The following SCARB2 variants were observed in gnomAD, a reference collection of about 807,000 sequenced individuals.
SCARB2 encodes scavenger receptor class B member 2.
Under a neutral mutation model 58.6 loss-of-function variants are expected in SCARB2, and 29 were observed. The ratio of observed to expected loss-of-function variants is 0.49; its 90% CI spans 0.37 to 0.67. The LOEUF (loss-of-function observed/expected upper bound fraction) is 0.67. Ranked by LOEUF, SCARB2 falls within the 30% of genes least tolerant of loss-of-function variation. The probability of loss-of-function intolerance (pLI) is 0.00; values close to 1 mark genes in which losing one functional copy is unlikely to be tolerated. For missense variants in SCARB2, 488 were observed against 578.5 expected (o/e 0.84, Z 1.60); for synonymous variants, 195 against 210.1 (o/e 0.93, Z 0.62).
intron 1 of SCARB2, among the ~76,000 whole-genome samples, chr4:76,212,407 T>C (rs1302432294): frequency 1.3e-5 from 2 of 152,200 alleles, no homozygotes; most frequent in African/African-American, 4.8e-5. Flanking sequence ...GGAAACTCAG[T>C]TAAAGGAAGA....
At chr4:76,212,098 G>A (rs1733059527) in intron 1 of SCARB2, among the ~76,000 whole-genome samples, 1 of 152,128 alleles carries the variant, frequency 6.6e-6, no homozygotes, top group East Asian at 1.9e-4. Context: ...GGCCATATAA[G>A]AAAACTCACA....
chr4:76,180,263 A>T (rs1274847664), intron 3 of SCARB2: 1 of 157,456 alleles, frequency 6.4e-6, no homozygotes, highest in Non-Finnish European at 1.4e-5. Context: ...CCGACACAGG[A>T]GGATCCCTGG....
chr4:76,174,653 C>G, intron 6 of SCARB2: 1 of 304,538 alleles, frequency 3.3e-6, no homozygotes, highest in Admixed American at 4.8e-5. Context: ...TGTGGACGGG[C>G]CACCGGCAAA....
chr4:76,205,221 G>C (rs1420099108), intron 1 of SCARB2, among the ~76,000 whole-genome samples: 1 of 152,136 alleles, frequency 6.6e-6, no homozygotes, highest in Non-Finnish European at 1.5e-5. Flanking sequence ...AGCAACTTTA[G>C]AGTTTAAGGC....
At chr4:76,196,777 G>A (rs1732721669) in intron 1 of SCARB2, among the ~76,000 whole-genome samples, 1 of 152,178 alleles carries the variant, frequency 6.6e-6, no homozygotes, top group Admixed American at 6.6e-5. Context: ...TGACAATGGA[G>A]ACTGCACTCT....
chr4:76,184,785 CAA>C (rs35947779), intron 2 of SCARB2: 1,913 of 320,126 alleles, frequency 6.0e-3, no homozygotes, highest in East Asian at 0.013. Flanking sequence ...TTGTCTCTAC[CAA>C]AAAAAAAAAA....
intron 7 of SCARB2, among the ~76,000 whole-genome samples, chr4:76,171,741 T>A (rs1439136151): frequency 6.8e-6 from 1 of 146,046 alleles, no homozygotes; most frequent in African/African-American, 2.6e-5. Context: ...TCAGGACTAT[T>A]ACCAGTAAGG....
intron 1 of SCARB2, chr4:76,213,106 A>C: frequency 2.7e-6 from 1 of 373,414 alleles, no homozygotes. Flanking sequence ...GTGGGAAGGA[A>C]ACAAGTTTGG....
intron 11 of SCARB2, chr4:76,162,830 C>T: frequency 2.9e-6 from 1 of 342,484 alleles, no homozygotes. Context: ...GAAACTGAAG[C>T]ACAGTTTCTA....
upstream of SCARB2, chr4:76,214,161 C>G (rs963732908): frequency 1.1e-4 from 48 of 450,508 alleles, 2 homozygotes; most frequent in South Asian, 5.8e-4. Context: ...GCTGGGGATT[C>G]AAGGTGGCTG....
At chr4:76,227,863 G>A (rs573224336) in intron 1 of SCARB2, among the ~76,000 whole-genome samples, 27 of 152,174 alleles carry the variant, frequency 1.8e-4, no homozygotes, top group Non-Finnish European at 3.1e-4. Context: ...CTTGCTTTTG[G>A]TGTTCATTTG....
intron 1 of SCARB2, among the ~76,000 whole-genome samples, chr4:76,204,679 C>T (rs1016316481): frequency 4.6e-5 from 7 of 151,778 alleles, no homozygotes; most frequent in African/African-American, 1.5e-4. Context: ...AGTGGGGAGG[C>T]GGGTGAGAAA....
chr4:76,161,567 G>T lies in SCARB2; in HGVS notation c.*146C>A. Reference sequence around the variant, plus strand: ...ATGTCAGCCTGCTCTTTAACCTCTGGCCAGAATGTTCCTATCACTTGCCAG... The same window carrying T: ...ATGTCAGCCTGCTCTTTAACCTCTGTCCAGAATGTTCCTATCACTTGCCAG... On this transcript the variant is annotated 3_prime_UTR_variant, in exon 12 of 12. Coordinates refer to ENST00000264896, the MANE Select transcript of SCARB2 (RefSeq NM_005506.4). 2.4e-6 allele frequency: 2 copies of T among 817,394 alleles called. No homozygotes were observed. The highest frequency in any genetic ancestry group is 2.1e-6 in the Non-Finnish European group (1 of 474,226). 50.6% of individuals were successfully genotyped at this position (817,394 alleles called of 1,614,324 possible).
At chr4:76,208,500 A>G (rs1020530363) in intron 1 of SCARB2, among the ~76,000 whole-genome samples, 3 of 152,190 alleles carry the variant, frequency 2.0e-5, no homozygotes, top group East Asian at 3.8e-4. Flanking sequence ...CATGTCTATG[A>G]GAGGTCAACA....
Position 76,229,192 on chromosome 4 carries a change from ATTG to A in SCARB2, c.-358+5108_-358+5110del, listed in dbSNP as rs747957488. Among the ~76,000 whole-genome samples the A allele has an allele frequency of 3.3e-5, 5 of 151,908 alleles. No homozygotes were observed. The East Asian group carries it at 7.8e-4, about 24-fold the overall frequency. On this transcript the variant is annotated intron_variant, in intron 1 of 11. Transcript: ENST00000638295. ...GTGTCTTTGATTTCCAGAAGTTGTG[ATTG>A]TTTTTTCTTTATGATGTCTGTTTCT...
intron 1 of SCARB2, 110 bp downstream of exon 1, chr4:76,213,317 G>T: frequency 1.3e-6 from 1 of 778,576 alleles, no homozygotes. Context: ...AAGAGCTCTA[G>T]CGCGGAGGGT....
At chr4:76,165,921 C>G (rs146916337) in intron 10 of SCARB2, 50 of 443,736 alleles carry the variant, frequency 1.1e-4, no homozygotes, top group African/African-American at 9.5e-4. Flanking sequence ...TGGCATCTAT[C>G]TGAGTGTGAG....
chr4:76,202,986 G>C (rs960882078), intron 1 of SCARB2, among the ~76,000 whole-genome samples: 1 of 152,090 alleles, frequency 6.6e-6, no homozygotes, highest in Non-Finnish European at 1.5e-5. Flanking sequence ...CCAAATTAGT[G>C]AATAATTTTG....
intron 4 of SCARB2, among the ~76,000 whole-genome samples, chr4:76,178,682 C>T (rs189637338): frequency 4.9e-4 from 75 of 152,304 alleles, no homozygotes; most frequent in African/African-American, 1.7e-3. Context: ...GCCTGGTCTG[C>T]TTCTCCCGAA....
Sources: allele counts gnomAD v4.1 joint callset (sites outside exome capture counted in the v4.1 genomes callset), GRCh38; gene constraint gnomAD v4.1.1; transcripts MANE v1.5; gene names NCBI Gene and HGNC (gene_info 2026-07-23, HGNC 2026-07-21).